Variants in PCDH15 observed in about 807,000 individuals in gnomAD.
PCDH15 encodes the protein protocadherin related 15.
Under a neutral mutation model 178.5 loss-of-function variants are expected in PCDH15, and 129 were observed. That is an observed-to-expected ratio of 0.72 (90% CI 0.63 to 0.84). The LOEUF is 0.84. Among genes scored for constraint, PCDH15 ranks in the 40% least tolerant of loss-of-function variants. The pLI is 0.00. For missense variants in PCDH15, 2,230 were observed against 2,099.9 expected, an observed-to-expected ratio of 1.06 and a Z score of -1.21; for synonymous variants, 800 against 732.0, an observed-to-expected ratio of 1.09 and a Z score of -1.50.
intron 25 of PCDH15, among the ~76,000 whole-genome samples, chr10:53,935,727 G>C (rs1383151280): frequency 6.6e-6 from 1 of 151,964 alleles, no homozygotes; most frequent in Non-Finnish European, 1.5e-5. Context: ...TCATTATTTT[G>C]AAAATCAATA....
At chr10:53,958,753 G>T (rs1426370099) in intron 23 of PCDH15, among the ~76,000 whole-genome samples, 1 of 151,956 alleles carries the variant, frequency 6.6e-6, no homozygotes, top group Non-Finnish European at 1.5e-5. Flanking sequence ...GGCTGAGGCA[G>T]GTGGATCAGG....
chr10:55,254,955 T>C (rs908206179), intron 1 of PCDH15, among the ~76,000 whole-genome samples: 4 of 4,888 alleles, frequency 8.2e-4, no homozygotes, highest in Non-Finnish European at 4.5e-3. Flanking sequence ...AGTCTTTTCT[T>C]TTTTTTTTTA....
chr10:54,553,548 A>C (rs983527701), intron 2 of PCDH15, among the ~76,000 whole-genome samples: 9 of 152,156 alleles, frequency 5.9e-5, no homozygotes, highest in Admixed American at 2.6e-4. Flanking sequence ...TGAGTCTCTA[A>C]GAGGAGGTTT....
At chr10:55,366,241 G>C (rs1295672851) in intron 2 of PCDH15, 1 of 152,058 alleles carries the variant, frequency 6.6e-6, no homozygotes, top group Non-Finnish European at 1.5e-5. Flanking sequence ...ATTTTGTTTA[G>C]TTGGTTGCTT....
chr10:53,984,122 C>CTTTTTTTTTTT (rs57184119), intron 21 of PCDH15, among the ~76,000 whole-genome samples: 2 of 112,686 alleles, frequency 1.8e-5, no homozygotes, highest in East Asian at 2.7e-4. Flanking sequence ...AAGTGCTTTT[C>CTTTTTTTTTTT]TTTTTTTTTT....
At chr10:54,630,060 A>C (rs916011731) in intron 2 of PCDH15, among the ~76,000 whole-genome samples, 2 of 152,194 alleles carry the variant, frequency 1.3e-5, no homozygotes, top group African/African-American at 4.8e-5. Context: ...AAGGAGAATT[A>C]CAAAATACTG....
intron 14 of PCDH15, among the ~76,000 whole-genome samples, chr10:54,142,379 G>GGAGAAGGT (rs1248007045): frequency 1.5e-4 from 23 of 152,242 alleles, no homozygotes; most frequent in Non-Finnish European, 2.5e-4. Flanking sequence ...TTCAGACACA[G>GGAGAAGGT]GAGAAGGTGA....
chr10:55,381,031 C>G (rs1837521752), intron 2 of PCDH15, among the ~76,000 whole-genome samples: 1 of 152,094 alleles, frequency 6.6e-6, no homozygotes, highest in Non-Finnish European at 1.5e-5. Flanking sequence ...TTCCTAATGT[C>G]CAACCTGTTA....
intron 2 of PCDH15, among the ~76,000 whole-genome samples, chr10:55,071,053 G>A (rs904352134): frequency 2.0e-5 from 3 of 152,110 alleles, no homozygotes; most frequent in Non-Finnish European, 2.9e-5. Flanking sequence ...AATGCTGAGA[G>A]ATTCTGTCAC....
At chr10:55,207,236 T>C (rs1466536617) in intron 1 of PCDH15, among the ~76,000 whole-genome samples, 1 of 152,116 alleles carries the variant, frequency 6.6e-6, no homozygotes, top group Non-Finnish European at 1.5e-5. Flanking sequence ...AAGACATATA[T>C]ATTCCATATC....
At chr10:54,681,694 GT>G (rs143337040) in intron 1 of PCDH15, among the ~76,000 whole-genome samples, 236 of 151,330 alleles carry the variant, frequency 1.6e-3, no homozygotes, top group African/African-American at 5.3e-3. Flanking sequence ...ATTTGTTAGT[GT>G]TTTTTTTTAC....
chr10:54,032,639 T>C (rs2093325385), intron 18 of PCDH15, among the ~76,000 whole-genome samples: 1 of 152,140 alleles, frequency 6.6e-6, no homozygotes, highest in Non-Finnish European at 1.5e-5. Context: ...AGACACATTT[T>C]GTTCTTTAAA....
chr10:55,405,333 T>A (rs367919890), intron 2 of PCDH15, among the ~76,000 whole-genome samples: 2 of 139,902 alleles, frequency 1.4e-5, no homozygotes, highest in East Asian at 2.0e-4. Flanking sequence ...TTAAAGATAA[T>A]GTGTAGTATT....
rs148235743 is a variant in PCDH15, at chr10:54,101,817, A to T, written c.1918-11754T>A. On this transcript the variant is annotated intron_variant, in intron 15 of 37. Transcript: ENST00000644397. ...CTCATCTATACCAAGAAAAAAAAAGATAAGAAAATTAGCTGTGTGTGGTGT... is the reference window on the plus strand; with the variant it reads ...CTCATCTATACCAAGAAAAAAAAAGTTAAGAAAATTAGCTGTGTGTGGTGT... Among the ~76,000 whole-genome samples the T allele has an allele frequency of 3.7e-3, 565 of 152,102 alleles. 10 individuals carry two copies. Among genetic ancestry groups the T allele is most frequent in the African/African-American group, 0.013 (529 of 41,518 alleles).
At chr10:55,162,092 G>A (rs1163949849) in intron 2 of PCDH15, among the ~76,000 whole-genome samples, 1 of 152,102 alleles carries the variant, frequency 6.6e-6, no homozygotes, top group African/African-American at 2.4e-5. Context: ...GTACTTGAGG[G>A]AGAATCTATG....
intron 2 of PCDH15, among the ~76,000 whole-genome samples, chr10:55,494,794 C>A (rs1164253281): frequency 6.6e-6 from 1 of 151,634 alleles, no homozygotes; most frequent in Non-Finnish European, 1.5e-5. Context: ...ATGATTATTT[C>A]TTCATATAAT....
intron 3 of PCDH15, among the ~76,000 whole-genome samples, chr10:54,810,860 A>G (rs1952852711): frequency 1.3e-5 from 2 of 152,134 alleles, no homozygotes; most frequent in South Asian, 4.1e-4. Context: ...AATAGGTTTG[A>G]TTAAAGTAAG....
At chr10:54,886,571 G>T (rs1009593278) in intron 3 of PCDH15, among the ~76,000 whole-genome samples, 12 of 152,188 alleles carry the variant, frequency 7.9e-5, no homozygotes, top group African/African-American at 2.9e-4. Flanking sequence ...AGACCAGCCT[G>T]GCCAACGTGG....
At chr10:54,344,171 A>C (rs71492605) in intron 6 of PCDH15, among the ~76,000 whole-genome samples, 10,702 of 152,208 alleles carry the variant, frequency 0.07, 484 homozygotes, top group African/African-American at 0.12. Flanking sequence ...TTTTCCTTCA[A>C]TACATCCTAA....
Sources: gnomAD v4.1 joint callset for allele counts (sites outside exome capture counted in the v4.1 genomes callset) on GRCh38, gnomAD v4.1.1 for gene constraint, MANE v1.5 for transcripts, NCBI Gene and HGNC (gene_info 2026-07-23, HGNC 2026-07-21) for gene names.